Variants in COX7B2 observed in about 807,000 individuals in gnomAD.
COX7B2 encodes cytochrome c oxidase subunit 7B2.
For missense variants in COX7B2, 109 were observed against 95.9 expected (o/e 1.14, Z -0.57); for synonymous variants, 37 against 32.1 (o/e 1.15, Z -0.51).
intron 2 of COX7B2, among the ~76,000 whole-genome samples, chr4:46,750,219 C>CAT (rs1434076402): frequency 2.0e-5 from 3 of 150,558 alleles, no homozygotes; most frequent in African/African-American, 7.3e-5. Context: ...CACACACACA[C>CAT]ACACACACAC....
At chr4:46,862,402 G>A (rs1717389659) in intron 1 of COX7B2, among the ~76,000 whole-genome samples, 1 of 152,142 alleles carries the variant, frequency 6.6e-6, no homozygotes. Flanking sequence ...AAATGGGTAA[G>A]TGTTCCGTCT....
intron 1 of COX7B2, among the ~76,000 whole-genome samples, chr4:46,849,794 G>A (rs1360688845): frequency 1.4e-4 from 21 of 152,028 alleles, no homozygotes; most frequent in East Asian, 3.9e-4. Flanking sequence ...CCAGTAACTC[G>A]TCATTTAACA....
intron 2 of COX7B2, among the ~76,000 whole-genome samples, chr4:46,773,182 G>T (rs1200447718): frequency 6.6e-6 from 1 of 152,048 alleles, no homozygotes; most frequent in African/African-American, 2.4e-5. Context: ...CTGTTATAAG[G>T]TAGTATCGTT....
chr4:46,868,436 C>A (rs1478784953), intron 1 of COX7B2, among the ~76,000 whole-genome samples: 4 of 152,128 alleles, frequency 2.6e-5, no homozygotes, highest in African/African-American at 4.8e-5. Context: ...GTTCTTGCTT[C>A]TCTAATTCTT....
intron 2 of COX7B2, among the ~76,000 whole-genome samples, chr4:46,834,558 A>G (rs902978645): frequency 1.6e-4 from 24 of 152,180 alleles, no homozygotes; most frequent in Admixed American, 2.0e-4. Context: ...CTAAGTTACC[A>G]TTCAGAAAAC....
At chr4:46,748,510 C>A (rs146413320) in intron 2 of COX7B2, among the ~76,000 whole-genome samples, 1,662 of 152,202 alleles carry the variant, frequency 0.011, 19 homozygotes, top group Middle Eastern at 0.037. Flanking sequence ...GACAACTATT[C>A]AAAAAACCTT....
At chr4:46,754,871 G>C (rs1216987029) in intron 2 of COX7B2, among the ~76,000 whole-genome samples, 1 of 150,606 alleles carries the variant, frequency 6.6e-6, no homozygotes, top group African/African-American at 2.4e-5. Flanking sequence ...AACATACAAA[G>C]AACTAATACC....
At chr4:46,786,500 G>A (rs1451457602) in intron 2 of COX7B2, among the ~76,000 whole-genome samples, 2 of 152,060 alleles carry the variant, frequency 1.3e-5, no homozygotes, top group Admixed American at 6.6e-5. Flanking sequence ...TAAATTCTCT[G>A]GGTGCATTAC....
chr4:46,747,058 GAAAAGC>G (rs964070887), intron 2 of COX7B2, among the ~76,000 whole-genome samples: 11 of 152,052 alleles, frequency 7.2e-5, no homozygotes, highest in African/African-American at 1.9e-4. Context: ...AACAGACCAG[GAAAAGC>G]CTTCTGGAGT....
intron 2 of COX7B2, among the ~76,000 whole-genome samples, chr4:46,789,893 T>C (rs1560382124): frequency 6.6e-6 from 1 of 152,118 alleles, no homozygotes; most frequent in Non-Finnish European, 1.5e-5. Context: ...CCAATGTAGG[T>C]GACACTTCTT....
Position 46,868,953 on chromosome 4 carries a change from T to G in COX7B2, c.-104-23939A>C, listed in dbSNP as rs560408212. ...TAATTTTCTGCCTTGATGATCTATC[T>G]AATACTGTCAGTCGAGTGTTACAGT... is the stretch of plus-strand genomic sequence containing the variant. On this transcript the variant is annotated intron_variant, in intron 1 of 2. Coordinates refer to ENST00000355591, the MANE Select transcript of COX7B2 (RefSeq NM_130902.3). 6.6e-5 allele frequency among the ~76,000 whole-genome samples: 10 copies of G among 152,300 alleles called. No individual in the cohort carries two copies. In the South Asian group the frequency reaches 2.1e-3, roughly 32 times the overall value.
Position 46,792,430 on chromosome 4 carries a change from C to T in COX7B2, c.-50+52530G>A, listed in dbSNP as rs915384596. On this transcript the variant is annotated intron_variant, in intron 2 of 2. Transcript: ENST00000355591. ...TGTCCTCCCCAATGAGGGTGACCAT[C>T]GACCAACCCACCCACTGAGGCCTCA... Among the ~76,000 whole-genome samples, 4 of 152,106 alleles carry T rather than the reference C, an allele frequency of 2.6e-5. No individual in the cohort carries two copies. The South Asian group carries it at 6.2e-4, about 24-fold the overall frequency.
At chr4:46,880,436 TGGGTA>T in intron 1 of COX7B2, among the ~76,000 whole-genome samples, 1 of 67,074 alleles carries the variant, frequency 1.5e-5, no homozygotes, top group African/African-American at 4.6e-5. Flanking sequence ...TTTTTTTTTC[TGGGTA>T]GGCTATTTAT....
intron 1 of COX7B2, among the ~76,000 whole-genome samples, chr4:46,859,231 CA>C (rs1717198399): frequency 6.6e-6 from 1 of 152,174 alleles, no homozygotes; most frequent in Non-Finnish European, 1.5e-5. Context: ...CCAGCCCTAT[CA>C]AGCTACCTCT....
At chr4:46,749,514 A>G (rs1715220286) in intron 2 of COX7B2, among the ~76,000 whole-genome samples, 1 of 152,138 alleles carries the variant, frequency 6.6e-6, no homozygotes, top group African/African-American at 2.4e-5. Context: ...GTGATAATTT[A>G]CATTAAAAAT....
At chr4:46,783,266 A>G (rs1717579985) in intron 2 of COX7B2, among the ~76,000 whole-genome samples, 1 of 152,226 alleles carries the variant, frequency 6.6e-6, no homozygotes, top group Non-Finnish European at 1.5e-5. Context: ...AAACACAACC[A>G]AATCCAAAAG....
chr4:46,859,865 CA>C (rs1560424019), intron 1 of COX7B2, among the ~76,000 whole-genome samples: 1 of 152,168 alleles, frequency 6.6e-6, no homozygotes, highest in African/African-American at 2.4e-5. Context: ...AAAGTGGGTA[CA>C]AATACAGCTA....
chr4:46,857,302 A>C (rs1226948446), intron 1 of COX7B2, among the ~76,000 whole-genome samples: 1 of 152,226 alleles, frequency 6.6e-6, no homozygotes, highest in East Asian at 1.9e-4. Flanking sequence ...CATAGTTAAC[A>C]AGTACTAGTT....
At chr4:46,812,300 T>C (rs1253199621) in intron 2 of COX7B2, among the ~76,000 whole-genome samples, 2 of 151,884 alleles carry the variant, frequency 1.3e-5, no homozygotes, top group Non-Finnish European at 2.9e-5. Context: ...CCCAGTAGCT[T>C]TGTCCCAGGA....
Sources: allele counts gnomAD v4.1 joint callset (sites outside exome capture counted in the v4.1 genomes callset), GRCh38; gene constraint gnomAD v4.1.1; transcripts MANE v1.5; gene names NCBI Gene and HGNC (gene_info 2026-07-23, HGNC 2026-07-21).